Variants in KCNQ3 observed in about 807,000 individuals in gnomAD.
KCNQ3 encodes the protein potassium voltage-gated channel subfamily Q member 3.
Under a neutral mutation model 92.5 loss-of-function variants are expected in KCNQ3, and 30 were observed. The ratio of observed to expected loss-of-function variants is 0.32; its 90% CI spans 0.24 to 0.44. KCNQ3 has a LOEUF of 0.44. KCNQ3 is among the 20% of genes least tolerant of loss of function. The pLI, the probability that KCNQ3 is intolerant of heterozygous loss-of-function variation, is 1.00. For missense variants in KCNQ3, 913 were observed against 1,140.3 expected (o/e 0.80, Z 2.87); for synonymous variants, 450 against 468.8 (o/e 0.96, Z 0.52).
chr8:132,163,470 G>A lies in KCNQ3; in HGVS notation c.1260C>T (p.Ser420=), dbSNP rs1826052131. Residue 420 remains serine (S), a splice_region_variant and synonymous_variant, in exon 9 of 15, where the codon TCC becomes TCT. Transcript: ENST00000388996. ...FFRKEQLEAA[S]SQKLGLLDRV... is the part of the protein sequence containing the mutation. ...GGAATTCATAATCAGAAACTTACCT[G>A]GATGCTGCCTCCAGCTGTTCTTTCC... is the stretch of plus-strand genomic sequence containing the variant. The A allele has an allele frequency of 6.2e-7, 1 of 1,611,910 alleles. No individual in the cohort carries two copies. Among genetic ancestry groups the A allele is most frequent in the South Asian group, 1.1e-5 (1 of 91,042 alleles).
intron 1 of KCNQ3, among the ~76,000 whole-genome samples, chr8:132,292,535 A>G (rs1816888156): frequency 6.6e-6 from 1 of 152,160 alleles, no homozygotes; most frequent in African/African-American, 2.4e-5. Flanking sequence ...AAGTGGAGAT[A>G]TGGTTGAATA....
intron 1 of KCNQ3, among the ~76,000 whole-genome samples, chr8:132,442,096 G>A (rs1401870565): frequency 6.6e-6 from 1 of 152,102 alleles, no homozygotes; most frequent in African/African-American, 2.4e-5. Context: ...TGGGGAGGAG[G>A]GAGAGAATCA....
At chr8:132,281,326 C>A (rs1189662708) in intron 1 of KCNQ3, among the ~76,000 whole-genome samples, 1 of 152,100 alleles carries the variant, frequency 6.6e-6, no homozygotes, top group African/African-American at 2.4e-5. Context: ...GGTGCTCTGG[C>A]ACCTCAAAAG....
intron 12 of KCNQ3, among the ~76,000 whole-genome samples, chr8:132,137,578 C>T (rs555954761): frequency 2.0e-5 from 3 of 152,264 alleles, no homozygotes; most frequent in South Asian, 2.1e-4. Context: ...CGGTTTAATT[C>T]GGATGATCCT....
At chr8:132,394,913 A>G (rs962034147) in intron 1 of KCNQ3, among the ~76,000 whole-genome samples, 15 of 152,262 alleles carry the variant, frequency 9.9e-5, no homozygotes, top group African/African-American at 3.6e-4. Context: ...CTTAAGACCA[A>G]TGGTCAACTC....
chr8:132,191,362 T>G (rs1827153038), intron 1 of KCNQ3, among the ~76,000 whole-genome samples: 1 of 152,072 alleles, frequency 6.6e-6, no homozygotes, highest in East Asian at 1.9e-4. Context: ...CTCGTTATGT[T>G]GCCCAGGCTG....
intron 14 of KCNQ3, among the ~76,000 whole-genome samples, chr8:132,130,898 A>T (rs2436134): frequency 6.6e-6 from 1 of 152,038 alleles, no homozygotes; most frequent in Non-Finnish European, 1.5e-5. Flanking sequence ...GACAATTCAC[A>T]ACTCACCAGG....
intron 1 of KCNQ3, among the ~76,000 whole-genome samples, chr8:132,242,364 T>C (rs141529402): frequency 1.6e-4 from 24 of 152,336 alleles, no homozygotes; most frequent in Middle Eastern, 3.4e-3. Context: ...TGTGATGTGC[T>C]GGCAACCTTC....
intron 1 of KCNQ3, among the ~76,000 whole-genome samples, chr8:132,187,889 T>C (rs796924633): frequency 3.2e-5 from 3 of 94,372 alleles, no homozygotes; most frequent in East Asian, 2.7e-4. Context: ...ATGGTGGCGG[T>C]GGTGGTGGTG....
intron 9 of KCNQ3, among the ~76,000 whole-genome samples, chr8:132,158,570 A>G (rs989823273): frequency 5.3e-5 from 8 of 152,200 alleles, no homozygotes; most frequent in African/African-American, 1.7e-4. Context: ...ACTGTTCCCA[A>G]CAGCTGGAAG....
intron 1 of KCNQ3, among the ~76,000 whole-genome samples, chr8:132,282,984 G>A (rs538203466): frequency 1.1e-4 from 17 of 152,136 alleles, no homozygotes; most frequent in Non-Finnish European, 2.1e-4. Flanking sequence ...AGAAGCCTGG[G>A]CAGAGAAAAG....
At chr8:132,236,714 T>C (rs975526899) in intron 1 of KCNQ3, among the ~76,000 whole-genome samples, 1 of 152,176 alleles carries the variant, frequency 6.6e-6, no homozygotes, top group Admixed American at 6.5e-5. Context: ...ACAGTTGACT[T>C]TGAGTAAGAA....
chr8:132,237,359 T>C (rs981177653), intron 1 of KCNQ3, among the ~76,000 whole-genome samples: 13 of 152,208 alleles, frequency 8.5e-5, no homozygotes, highest in African/African-American at 1.4e-4. Context: ...GCTGTGCATA[T>C]AATATGTCAG....
At chr8:132,461,668 T>C (rs1225913960) in intron 1 of KCNQ3, among the ~76,000 whole-genome samples, 1 of 152,226 alleles carries the variant, frequency 6.6e-6, no homozygotes, top group East Asian at 1.9e-4. Context: ...TTGCCCTACA[T>C]CCTTGTCAAC....
intron 11 of KCNQ3, 84 bp from the exon 12 acceptor site, chr8:132,138,100 G>A: frequency 1.3e-6 from 2 of 1,501,232 alleles, no homozygotes; most frequent in South Asian, 1.1e-5. Flanking sequence ...CTCCAGGGCA[G>A]GGGGAGAAAA....
intron 1 of KCNQ3, among the ~76,000 whole-genome samples, chr8:132,253,596 A>C (rs1815485639): frequency 6.6e-6 from 1 of 152,208 alleles, no homozygotes. Context: ...GCCCTCAAGC[A>C]CATGTGTTTG....
intron 1 of KCNQ3, among the ~76,000 whole-genome samples, chr8:132,261,908 A>G (rs1182711457): frequency 6.6e-6 from 1 of 152,218 alleles, no homozygotes; most frequent in African/African-American, 2.4e-5. Flanking sequence ...TTGTGCACAA[A>G]TGCTCATAAC....
chr8:132,139,750 C>G (rs77010329), intron 11 of KCNQ3, among the ~76,000 whole-genome samples: 3 of 152,026 alleles, frequency 2.0e-5, no homozygotes, highest in Admixed American at 6.6e-5. Context: ...GGAAGAAAAC[C>G]CTCCACTCTG....
intron 1 of KCNQ3, among the ~76,000 whole-genome samples, chr8:132,231,295 G>C (rs1814638972): frequency 6.6e-6 from 1 of 152,166 alleles, no homozygotes; most frequent in Admixed American, 6.5e-5. Flanking sequence ...TGTTATAGCA[G>C]CCCTGAGAAA....
Sources: allele counts gnomAD v4.1 joint callset (sites outside exome capture counted in the v4.1 genomes callset), GRCh38; gene constraint gnomAD v4.1.1; transcripts MANE v1.5; gene names NCBI Gene and HGNC (gene_info 2026-07-23, HGNC 2026-07-21).